Variants in AMPH observed in about 807,000 individuals in gnomAD.
AMPH encodes the protein amphiphysin (Stiff-Mann syndrome with breast cancer 128kD autoantigen).
In AMPH, 49 loss-of-function variants were observed where a neutral mutation model predicts 99.1. The observed-to-expected ratio is 0.49, with a 90% CI of 0.39 to 0.63. AMPH has a LOEUF of 0.63. Among genes scored for constraint, AMPH ranks in the 20% least tolerant of loss-of-function variants. AMPH has a pLI of 0.00. For synonymous variants in AMPH, 314 were observed against 317.3 expected, an observed-to-expected ratio of 0.99 and a Z score of 0.11; for missense variants, 759 against 863.4, an observed-to-expected ratio of 0.88 and a Z score of 1.52.
chr7:38,608,249 G>A lies in AMPH; in HGVS notation c.69+23034C>T, dbSNP rs116347703. 7.8e-3 allele frequency among the ~76,000 whole-genome samples: 1,190 copies of A among 152,252 alleles called. 14 individuals are homozygous for A. Among genetic ancestry groups the A allele is most frequent in the African/African-American group, 0.027 (1,109 of 41,544 alleles). On this transcript the variant is annotated intron_variant, in intron 1 of 20. Coordinates refer to ENST00000356264, the MANE Select transcript of AMPH (RefSeq NM_001635.4). ...TTCAGGATTGTGAGTATCTGAGCAC[G>A]GCTCCCGGTCAGCTTTCCCAGGTGC...
intron 1 of AMPH, among the ~76,000 whole-genome samples, chr7:38,611,176 T>C (rs1793668230): frequency 6.6e-6 from 1 of 152,196 alleles, no homozygotes; most frequent in South Asian, 2.1e-4. Context: ...TGGATGAAAC[T>C]TGAAATTAAG....
At chr7:38,391,006 A>C (rs1016578119) in intron 19 of AMPH, among the ~76,000 whole-genome samples, 1 of 74,804 alleles carries the variant, frequency 1.3e-5, no homozygotes, top group African/African-American at 4.2e-5. Context: ...AGAGAGAGAG[A>C]GAGAGAGAGA....
intron 11 of AMPH, among the ~76,000 whole-genome samples, chr7:38,444,216 C>T (rs113971727): frequency 2.6e-5 from 4 of 152,062 alleles, no homozygotes; most frequent in Non-Finnish European, 5.9e-5. Flanking sequence ...TGCGTCTATG[C>T]GTCAGATGAC....
At chr7:38,533,591 G>A (rs1378208139) in intron 2 of AMPH, among the ~76,000 whole-genome samples, 6 of 152,062 alleles carry the variant, frequency 3.9e-5, no homozygotes. Context: ...ATACACAAAT[G>A]GAAGAAAGAA....
intron 1 of AMPH, among the ~76,000 whole-genome samples, chr7:38,565,240 A>T (rs1252830181): frequency 2.0e-5 from 3 of 152,138 alleles, no homozygotes; most frequent in Non-Finnish European, 4.4e-5. Context: ...GTTTCAAGCC[A>T]TATTATTCCA....
chr7:38,461,416 G>T lies in AMPH; in HGVS notation c.889-5C>A. ...GACAGGAGGCCCTTTCCTTGTCTAG[G>T]AAGCATTAAATACAAACATTAATCC... On this transcript the variant is annotated splice_region_variant and splice_polypyrimidine_tract_variant and intron_variant, in intron 10 of 20. Coordinates refer to ENST00000356264, the MANE Select transcript of AMPH (RefSeq NM_001635.4). 6.2e-7 allele frequency: 1 copy of T among 1,613,998 alleles called. No individual in the cohort carries two copies. The highest frequency in any genetic ancestry group is 1.1e-5 in the South Asian group (1 of 91,074).
chr7:38,592,455 G>T (rs751781762), intron 1 of AMPH, among the ~76,000 whole-genome samples: 1 of 152,166 alleles, frequency 6.6e-6, no homozygotes, highest in East Asian at 1.9e-4. Flanking sequence ...TTCTGGGCCC[G>T]GCATGTTGGC....
intron 1 of AMPH, among the ~76,000 whole-genome samples, chr7:38,555,249 TAAA>T (rs35861878): frequency 4.8e-4 from 69 of 145,124 alleles, no homozygotes; most frequent in Non-Finnish European, 5.3e-4. Flanking sequence ...TAACACAATT[TAAA>T]AAAAAAAAAA....
At chr7:38,441,250 AAAAT>A (rs1305081256) in intron 11 of AMPH, among the ~76,000 whole-genome samples, 1 of 152,156 alleles carries the variant, frequency 6.6e-6, no homozygotes, top group African/African-American at 2.4e-5. Flanking sequence ...GCTGTAAAGA[AAAAT>A]AAAAAAGCAC....
chr7:38,540,692 C>CAAAAAAA (rs373768495), intron 1 of AMPH, among the ~76,000 whole-genome samples: 1,846 of 19,752 alleles, frequency 0.093, 819 homozygotes, highest in South Asian at 0.13. Context: ...TGACCCCAAG[C>CAAAAAAA]AAAAAAAAAA....
At chr7:38,624,871 A>G (rs1020969952) in intron 1 of AMPH, among the ~76,000 whole-genome samples, 3 of 152,158 alleles carry the variant, frequency 2.0e-5, no homozygotes, top group Non-Finnish European at 2.9e-5. Context: ...TAGTGAATAC[A>G]AGAGTTCCAT....
chr7:38,564,097 C>T (rs1791646543), intron 1 of AMPH, among the ~76,000 whole-genome samples: 1 of 152,182 alleles, frequency 6.6e-6, no homozygotes, highest in South Asian at 2.1e-4. Flanking sequence ...CACAGTTTCT[C>T]TATTGAATTA....
chr7:38,428,859 T>C lies in AMPH; in HGVS notation c.1182+983A>G, dbSNP rs528293721. 9.4e-5 allele frequency: 52 copies of C among 553,986 alleles called. 1 individual carries two copies. The highest frequency in any genetic ancestry group is 4.2e-4 in the South Asian group (28 of 66,462). 34.3% of individuals were successfully genotyped at this position (553,986 alleles called of 1,614,324 possible). ...GTCAGTTTTCTCAAAATAATTTTCA[T>C]TGGCGTTTGTACTTTCCTTATACCC... On this transcript the variant is annotated intron_variant, in intron 14 of 20. Transcript: ENST00000356264.
intron 5 of AMPH, among the ~76,000 whole-genome samples, chr7:38,489,266 G>T (rs1788628734): frequency 6.6e-6 from 1 of 152,094 alleles, no homozygotes. Context: ...TCAATAAATG[G>T]TGCTGGGAAA....
intron 4 of AMPH, 62 bp from the exon 5 acceptor site, chr7:38,491,207 T>TA (rs3837078): frequency 0.56 from 593,282 of 1,064,370 alleles, 172,414 homozygotes; most frequent in African/African-American, 0.73. Context: ...ACCAAACTTC[T>TA]AAAAAAATCT....
chr7:38,489,979 TAAATA>T (rs1562787619), intron 5 of AMPH, among the ~76,000 whole-genome samples: 1 of 151,856 alleles, frequency 6.6e-6, no homozygotes, highest in Non-Finnish European at 1.5e-5. Context: ...AAATATAAAT[TAAATA>T]AAATAATTTT....
chr7:38,595,301 G>T lies in AMPH; in HGVS notation c.69+35982C>A, dbSNP rs547310899. On this transcript the variant is annotated intron_variant, in intron 1 of 20. Coordinates refer to ENST00000356264, the MANE Select transcript of AMPH (RefSeq NM_001635.4). Reference sequence around the variant, plus strand: ...GCAGATTAGGGGCCCAGGTACATGGGGTAGTGCTGTACAGGTGGGAGGTGC... The same window carrying T: ...GCAGATTAGGGGCCCAGGTACATGGTGTAGTGCTGTACAGGTGGGAGGTGC... Among the ~76,000 whole-genome samples, 77 of 152,278 alleles carry T rather than the reference G, an allele frequency of 5.1e-4. 1 individual carries two copies. Among genetic ancestry groups the T allele is most frequent in the Middle Eastern group, 6.8e-3 (2 of 294 alleles).
At chr7:38,616,384 T>G (rs1403579219) in intron 1 of AMPH, among the ~76,000 whole-genome samples, 1 of 152,202 alleles carries the variant, frequency 6.6e-6, no homozygotes, top group Non-Finnish European at 1.5e-5. Context: ...TTCTCACAAC[T>G]GTGGACAGGA....
chr7:38,467,022 T>A (rs1425977981), intron 7 of AMPH, among the ~76,000 whole-genome samples: 1 of 152,230 alleles, frequency 6.6e-6, no homozygotes, highest in African/African-American at 2.4e-5. Flanking sequence ...CATATACTTA[T>A]TCATAAATAC....
Sources: gnomAD v4.1 joint callset for allele counts (sites outside exome capture counted in the v4.1 genomes callset) on GRCh38, gnomAD v4.1.1 for gene constraint, MANE v1.5 for transcripts, NCBI Gene and HGNC (gene_info 2026-07-23, HGNC 2026-07-21) for gene names.